Variants in PTPRM observed in about 807,000 individuals in gnomAD.
PTPRM encodes the protein receptor-type tyrosine-protein phosphatase mu.
PTPRM carries 47 observed loss-of-function variants against 186.7 expected under a neutral mutation model. The ratio of observed to expected loss-of-function variants is 0.25; its 90% CI spans 0.20 to 0.32. The LOEUF (loss-of-function observed/expected upper bound fraction) is 0.32. PTPRM is among the 10% of genes least tolerant of loss of function. The probability of loss-of-function intolerance (pLI) is 1.00; values close to 1 mark genes in which losing one functional copy is unlikely to be tolerated. For missense variants in PTPRM, 1,494 were observed against 1,865.0 expected (o/e 0.80, Z 3.66); for synonymous variants, 668 against 674.9 (o/e 0.99, Z 0.16).
chr18:8,010,976 C>T (rs1441839038), intron 7 of PTPRM, among the ~76,000 whole-genome samples: 6 of 152,048 alleles, frequency 3.9e-5, no homozygotes, highest in Admixed American at 3.9e-4. Context: ...TGGTGTAAAA[C>T]AAAAATAAAG....
chr18:8,326,340 G>A (rs1362420760), intron 22 of PTPRM, among the ~76,000 whole-genome samples: 1 of 152,136 alleles, frequency 6.6e-6, no homozygotes, highest in Admixed American at 6.5e-5. Context: ...AAGCAATATT[G>A]TTTAAATGGC....
intron 13 of PTPRM, among the ~76,000 whole-genome samples, chr18:8,137,623 C>G (rs1288687577): frequency 1.3e-5 from 2 of 152,140 alleles, no homozygotes; most frequent in African/African-American, 4.8e-5. Context: ...CTGGGCTGTC[C>G]TACCCAGTGA....
At chr18:7,715,906 G>A (rs937311187) in intron 1 of PTPRM, among the ~76,000 whole-genome samples, 1 of 152,128 alleles carries the variant, frequency 6.6e-6, no homozygotes, top group Non-Finnish European at 1.5e-5. Flanking sequence ...ATAAGAAGAA[G>A]AACCAATATC....
At chr18:7,924,595 A>G (rs1252550798) in intron 4 of PTPRM, among the ~76,000 whole-genome samples, 1 of 152,174 alleles carries the variant, frequency 6.6e-6, no homozygotes, top group Non-Finnish European at 1.5e-5. Context: ...TCTAAAATGA[A>G]CAGTCTTTAA....
chr18:7,808,703 C>T (rs1353935070), intron 2 of PTPRM, among the ~76,000 whole-genome samples: 2 of 152,134 alleles, frequency 1.3e-5, no homozygotes, highest in Non-Finnish European at 2.9e-5. Flanking sequence ...AAGATCTCAG[C>T]TAATCTTGAG....
intron 14 of PTPRM, among the ~76,000 whole-genome samples, chr18:8,184,526 C>T (rs1238676107): frequency 6.6e-6 from 1 of 152,092 alleles, no homozygotes; most frequent in East Asian, 1.9e-4. Context: ...AGGGGAGCCT[C>T]GGCCCGAGCC....
intron 1 of PTPRM, among the ~76,000 whole-genome samples, chr18:7,702,400 G>A (rs1054008941): frequency 6.6e-6 from 1 of 152,120 alleles, no homozygotes; most frequent in Non-Finnish European, 1.5e-5. Context: ...GCATGAGATG[G>A]TATCTCATTG....
chr18:7,896,362 G>A (rs372292325), intron 3 of PTPRM, among the ~76,000 whole-genome samples: 7 of 152,094 alleles, frequency 4.6e-5, no homozygotes, highest in South Asian at 2.1e-4. Context: ...CACAGATTTC[G>A]TCATATTCTA....
chr18:8,219,990 G>A (rs574566632), intron 14 of PTPRM, among the ~76,000 whole-genome samples: 108 of 152,210 alleles, frequency 7.1e-4, no homozygotes, highest in African/African-American at 2.5e-3. Context: ...GCGCTATAAC[G>A]AGGTGTGTCT....
intron 1 of PTPRM, among the ~76,000 whole-genome samples, chr18:7,588,401 G>A (rs2143593669): frequency 6.6e-6 from 1 of 152,172 alleles, no homozygotes; most frequent in Middle Eastern, 3.4e-3. Flanking sequence ...AACTTATGAG[G>A]ATTGACTATC....
chr18:7,858,368 G>A (rs1388055785), intron 2 of PTPRM, among the ~76,000 whole-genome samples: 1 of 152,020 alleles, frequency 6.6e-6, no homozygotes, highest in Non-Finnish European at 1.5e-5. Flanking sequence ...ACCAGCCTGG[G>A]CAACATGGCA....
At chr18:8,093,773 G>T (rs150225297) in intron 11 of PTPRM, among the ~76,000 whole-genome samples, 1 of 152,022 alleles carries the variant, frequency 6.6e-6, no homozygotes, top group African/African-American at 2.4e-5. Context: ...CAAGCAAAAC[G>T]GTCTTCTGTT....
intron 2 of PTPRM, among the ~76,000 whole-genome samples, chr18:7,804,274 A>G (rs2044123964): frequency 1.3e-5 from 2 of 152,072 alleles, no homozygotes; most frequent in African/African-American, 4.8e-5. Flanking sequence ...CAGTAGTTCA[A>G]GTAGAAGTCC....
intron 2 of PTPRM, among the ~76,000 whole-genome samples, chr18:7,795,810 C>CTTTTTTTT (rs397741769): frequency 5.1e-4 from 60 of 117,696 alleles, no homozygotes; most frequent in Non-Finnish European, 7.4e-4. Context: ...TTCTTTCTTT[C>CTTTTTTTT]TTTTTTTTTT....
At position 8,244,185 on chromosome 18, in the gene PTPRM, G is replaced by A. The variant is rs771237338; in HGVS notation, c.2428G>A (p.Asp810Asn). The change falls in exon 15 of 33, where the codon GAC (aspartate) becomes AAC (asparagine). Residue 810 changes from aspartate to asparagine, a missense_variant. Coordinates refer to ENST00000580170, the MANE Select transcript of PTPRM (RefSeq NM_001105244.2). ...TNCDEAFSFMDTHNLNGRSVS... is the reference protein window; with the variant it reads ...TNCDEAFSFMNTHNLNGRSVS... ...CTGCGACGAGGCTTTCTCATTCATGGACACGCACAATCTGAATGGGAGATG... is the reference window on the plus strand; with the variant it reads ...CTGCGACGAGGCTTTCTCATTCATGAACACGCACAATCTGAATGGGAGATG... The A allele has an allele frequency of 1.7e-5, 27 of 1,585,214 alleles. No homozygotes were observed. Among genetic ancestry groups the A allele is most frequent in the Non-Finnish European group, 2.2e-5 (26 of 1,169,900 alleles).
chr18:7,929,362 C>T (rs1276433561), intron 5 of PTPRM, among the ~76,000 whole-genome samples: 1 of 152,068 alleles, frequency 6.6e-6, no homozygotes, highest in Admixed American at 6.6e-5. Context: ...CCCTTAATGC[C>T]TTTCTTTTTC....
chr18:8,326,210 A>C (rs2509543), intron 22 of PTPRM, among the ~76,000 whole-genome samples: 133,052 of 152,148 alleles, frequency 0.87, 58,588 homozygotes, highest in Middle Eastern at 0.93. Flanking sequence ...TATTTGTTGC[A>C]ATTGCTTTTG....
chr18:7,806,890 A>G (rs1231805962), intron 2 of PTPRM, among the ~76,000 whole-genome samples: 1 of 152,216 alleles, frequency 6.6e-6, no homozygotes, highest in Non-Finnish European at 1.5e-5. Context: ...GCTTTTTGGA[A>G]GACAAAACTT....
chr18:7,959,953 A>G (rs1473514313), intron 7 of PTPRM, among the ~76,000 whole-genome samples: 1 of 152,232 alleles, frequency 6.6e-6, no homozygotes, highest in African/African-American at 2.4e-5. Context: ...ACAAAATGCA[A>G]TTTAGTTTGT....
Sources: gnomAD v4.1 joint callset for allele counts (sites outside exome capture counted in the v4.1 genomes callset) on GRCh38, gnomAD v4.1.1 for gene constraint, MANE v1.5 for transcripts, NCBI Gene and HGNC (gene_info 2026-07-23, HGNC 2026-07-21) for gene names.